Variants in HECW1 observed in about 807,000 individuals in gnomAD.
HECW1 encodes the protein E3 ubiquitin-protein ligase HECW1.
A neutral mutation model predicts 182.3 loss-of-function variants in HECW1; 61 were observed. The ratio of observed to expected loss-of-function variants is 0.33; its 90% CI spans 0.27 to 0.41. The LOEUF is 0.41. Ranked by LOEUF, HECW1 falls within the 10% of genes least tolerant of loss-of-function variation. The probability of loss-of-function intolerance (pLI) is 1.00; values close to 1 mark genes in which losing one functional copy is unlikely to be tolerated. For synonymous variants in HECW1, 859 were observed against 832.6 expected (o/e 1.03, Z -0.55); for missense variants, 1,739 against 2,108.9 (o/e 0.82, Z 3.44).
chr7:43,306,158 A>G (rs938120245), intron 3 of HECW1, among the ~76,000 whole-genome samples: 3 of 152,158 alleles, frequency 2.0e-5, no homozygotes, highest in Non-Finnish European at 4.4e-5. Flanking sequence ...CAGCCTCCCA[A>G]AGTGCTGGGA....
chr7:43,432,307 T>C lies in HECW1; in HGVS notation c.802-5696T>C, dbSNP rs1245265563. Among the ~76,000 whole-genome samples, 1 of 151,604 alleles carries C rather than the reference T, an allele frequency of 6.6e-6. No individual in the cohort carries two copies. ...GGCGCCCGCCACTACACCCGGCTAA[T>C]TTTTTGTATTTTTAGTAGAGACGGG... On this transcript the variant is annotated intron_variant, in intron 8 of 29. Transcript: ENST00000395891. This position sits in a 1 kb window ranked among gnomAD's most constrained non-coding sequence, Gnocchi z 4.1.
In HECW1 at chr7:43,134,637, T is replaced by C. The variant is rs1473881539; in HGVS notation, c.-32+20246T>C. Among the ~76,000 whole-genome samples, 3 of 152,034 alleles carry C rather than the reference T, an allele frequency of 2.0e-5. No homozygotes were observed. In the East Asian group the frequency reaches 5.8e-4, roughly 29 times the overall value. The stretch of plus-strand genomic sequence containing the variant: ...CCTCCTGCCTCAGCCTCCTAAGTAG[T>C]TGGGACTACAGGCATGCACCACCAT... On this transcript the variant is annotated intron_variant, in intron 2 of 29. Transcript: ENST00000395891.
intron 2 of HECW1, among the ~76,000 whole-genome samples, chr7:43,151,861 A>G (rs1248759229): frequency 6.6e-6 from 1 of 152,216 alleles, no homozygotes; most frequent in African/African-American, 2.4e-5. Context: ...TAGGCTAAAG[A>G]AAGATTTGAG....
intron 17 of HECW1, among the ~76,000 whole-genome samples, chr7:43,488,434 G>GAAAGAAAGAAAGAAAGAA (rs1554440499): frequency 2.3e-4 from 21 of 93,136 alleles, no homozygotes; most frequent in East Asian, 2.1e-3. Flanking sequence ...AAGAAAGAAA[G>GAAAGAAAGAAAGAAAGAA]AGAAAGAAAG....
In HECW1 at chr7:43,479,630, C is replaced by T. The variant is rs890522229; in HGVS notation, c.3120C>T (p.Asn1040=). ...QQGKSFFVDH[N]SRATTFIDPR... ...CGCAGTCTTTTTTCGTGGACCACAA[C>T]AGTCGAGCTACCACTTTCATTGACC... is the stretch of plus-strand genomic sequence containing the variant. Residue 1040 remains asparagine (N), a synonymous_variant, in exon 17 of 30, where the codon AAC becomes AAT. Coordinates refer to ENST00000395891, the MANE Select transcript of HECW1 (RefSeq NM_015052.5). The T allele has an allele frequency of 6.8e-6, 11 of 1,613,980 alleles. No homozygotes were observed. The Admixed American group carries it at 1.8e-4, about 27-fold the overall frequency.
chr7:43,300,900 G>A (rs755421875), intron 3 of HECW1, among the ~76,000 whole-genome samples: 2 of 152,142 alleles, frequency 1.3e-5, no homozygotes, highest in Non-Finnish European at 1.5e-5. Flanking sequence ...CCCAGGAGCC[G>A]CCCCTGCTAC....
chr7:43,542,521 TTATA>T (rs1048201701), intron 26 of HECW1, among the ~76,000 whole-genome samples: 1 of 151,082 alleles, frequency 6.6e-6, no homozygotes, highest in South Asian at 2.1e-4. Context: ...TATGTGTATA[TTATA>T]TATATATAAA....
At chr7:43,494,248 C>T (rs543937180) in intron 19 of HECW1, among the ~76,000 whole-genome samples, 5 of 152,224 alleles carry the variant, frequency 3.3e-5, no homozygotes, top group East Asian at 3.9e-4. Context: ...CTCCTCTCCT[C>T]CCTCTTCTTC....
intron 2 of HECW1, among the ~76,000 whole-genome samples, chr7:43,157,100 T>C (rs931882343): frequency 2.0e-5 from 3 of 152,226 alleles, no homozygotes; most frequent in African/African-American, 7.2e-5. Flanking sequence ...ATATGCATCT[T>C]TATTTCAAAG....
chr7:43,150,154 A>G (rs773612648), intron 2 of HECW1, among the ~76,000 whole-genome samples: 1 of 152,222 alleles, frequency 6.6e-6, no homozygotes, highest in African/African-American at 2.4e-5. Flanking sequence ...CAATAACCCT[A>G]TTATTTTCAC....
At position 43,217,457 on chromosome 7, in the gene HECW1, G is replaced by A. The variant is rs1239011586; in HGVS notation, c.-31-26418G>A. Among the ~76,000 whole-genome samples the A allele has an allele frequency of 4.6e-5, 7 of 152,310 alleles. No individual in the cohort carries two copies. The South Asian group carries it at 1.0e-3, about 23-fold the overall frequency. On this transcript the variant is annotated intron_variant, in intron 2 of 29. Transcript: ENST00000395891. ...GGTAGGTGTTGGATTATAGTTGAAT[G>A]TCTATATCAAATTAATGAGAGATAC... is the stretch of plus-strand genomic sequence containing the variant.
rs1165081149 is a variant in HECW1 at position 43,284,502 on chromosome 7, C to CAA, written c.28-27240_28-27239dup. 3.8e-3 allele frequency among the ~76,000 whole-genome samples: 202 copies of CAA among 53,594 alleles called. 1 individual carries two copies. Among genetic ancestry groups the CAA allele is most frequent in the Middle Eastern group, 9.6e-3 (1 of 104 alleles). 35.2% of individuals were successfully genotyped at this position (53,594 alleles called of 152,430 possible). ...GGCAACAAAGTGAGACCCATTTCTA[C>CAA]AAAAAAAAAAAAAAAAAAAAAAGAC... is the stretch of plus-strand genomic sequence containing the variant. On this transcript the variant is annotated intron_variant, in intron 3 of 29. Coordinates refer to ENST00000395891, the MANE Select transcript of HECW1 (RefSeq NM_015052.5).
At chr7:43,523,292 G>A (rs1461854663) in intron 24 of HECW1, 8 of 186,608 alleles carry the variant, frequency 4.3e-5, no homozygotes, top group Admixed American at 3.3e-4. Context: ...GTCATGAGCC[G>A]CCATGCCTGG....
intron 6 of HECW1, among the ~76,000 whole-genome samples, chr7:43,388,920 G>C (rs2074910028): frequency 6.6e-6 from 1 of 152,220 alleles, no homozygotes; most frequent in South Asian, 2.1e-4. Flanking sequence ...AGGGTGGGAT[G>C]ATGACCCCTT....
intron 17 of HECW1, among the ~76,000 whole-genome samples, chr7:43,489,010 A>G (rs529718613): frequency 1.3e-5 from 2 of 152,340 alleles, no homozygotes; most frequent in South Asian, 4.1e-4. Flanking sequence ...AGTAGGCACC[A>G]TTAATGAATT....
intron 24 of HECW1, among the ~76,000 whole-genome samples, chr7:43,522,696 G>A (rs773329835): frequency 1.1e-4 from 16 of 152,180 alleles, no homozygotes; most frequent in Admixed American, 2.6e-4. Flanking sequence ...CACTGGTGGG[G>A]ATGCCAGGGC....
At chr7:43,492,013 T>C in intron 17 of HECW1, 62 bp from the exon 18 acceptor site, 1 of 1,199,902 alleles carries the variant, frequency 8.3e-7, no homozygotes. Context: ...GAAAAACTGG[T>C]ATCAAGAGAC....
intron 2 of HECW1, among the ~76,000 whole-genome samples, chr7:43,227,019 CATATT>C (rs1317779907): frequency 1.3e-5 from 2 of 152,158 alleles, no homozygotes; most frequent in African/African-American, 4.8e-5. Flanking sequence ...AGCAAAATGA[CATATT>C]AAAAGAATAT....
intron 6 of HECW1, among the ~76,000 whole-genome samples, chr7:43,366,065 T>G (rs1378105303): frequency 6.6e-6 from 1 of 151,656 alleles, no homozygotes; most frequent in East Asian, 1.9e-4. Context: ...ATCACACCAC[T>G]GCACTCCAGC....
Sources: gnomAD v4.1 joint callset for allele counts (sites outside exome capture counted in the v4.1 genomes callset) on GRCh38, gnomAD v4.1.1 for gene constraint, Gnocchi (gnomAD v3.1) non-coding constraint, MANE v1.5 for transcripts, NCBI Gene and HGNC (gene_info 2026-07-23, HGNC 2026-07-21) for gene names.